Variants in HHAT observed in about 807,000 individuals in gnomAD.
HHAT encodes hedgehog acyltransferase, also known as protein-cysteine N-palmitoyltransferase HHAT.
A neutral mutation model predicts 70.8 loss-of-function variants in HHAT; 47 were observed. The observed-to-expected ratio is 0.66, with a 90% CI of 0.53 to 0.85. The LOEUF (loss-of-function observed/expected upper bound fraction) is 0.85, where lower values mean the gene tolerates loss of function less well. HHAT is among the 40% of genes least tolerant of loss of function. HHAT has a pLI of 0.00. For missense variants in HHAT, 609 were observed against 604.8 expected, an observed-to-expected ratio of 1.01 and a Z score of -0.07; for synonymous variants, 228 against 247.6, an observed-to-expected ratio of 0.92 and a Z score of 0.74.
intron 7 of HHAT, among the ~76,000 whole-genome samples, chr1:210,448,610 A>G (rs570790063): frequency 1.6e-4 from 25 of 152,324 alleles, no homozygotes; most frequent in Admixed American, 7.8e-4. Flanking sequence ...TGTTGCTTCT[A>G]GACCAGAGAG....
At chr1:210,486,511 T>C (rs1261019418) in intron 8 of HHAT, among the ~76,000 whole-genome samples, 1 of 152,220 alleles carries the variant, frequency 6.6e-6, no homozygotes, top group African/African-American at 2.4e-5. Flanking sequence ...TCTGCAGCTC[T>C]GTGTACTTAC....
intron 7 of HHAT, among the ~76,000 whole-genome samples, chr1:210,433,445 T>G (rs1222759159): frequency 6.6e-6 from 1 of 151,886 alleles, no homozygotes; most frequent in East Asian, 1.9e-4. Context: ...TCGCTGCAAG[T>G]TAACAGAAAT....
chr1:210,519,241 CTG>C (rs1401840420), intron 9 of HHAT, among the ~76,000 whole-genome samples: 1 of 152,218 alleles, frequency 6.6e-6, no homozygotes. Context: ...TTTTCTCTAT[CTG>C]TGCATCTGTT....
chr1:210,529,203 G>T (rs943121883), intron 9 of HHAT, among the ~76,000 whole-genome samples: 6 of 151,924 alleles, frequency 3.9e-5, no homozygotes, highest in Non-Finnish European at 8.8e-5. Flanking sequence ...TACTTGGGAG[G>T]TTGAGGCACG....
chr1:210,496,174 G>A (rs2094640533), intron 8 of HHAT, among the ~76,000 whole-genome samples: 1 of 150,402 alleles, frequency 6.6e-6, no homozygotes, highest in South Asian at 2.1e-4. Context: ...ATAAGCATTT[G>A]TTATTTAGAG....
intron 11 of HHAT, among the ~76,000 whole-genome samples, chr1:210,643,481 G>A (rs1438785193): frequency 6.6e-6 from 1 of 152,202 alleles, no homozygotes; most frequent in Non-Finnish European, 1.5e-5. Context: ...TATAGGTGGG[G>A]AAGTATCTTA....
intron 9 of HHAT, among the ~76,000 whole-genome samples, chr1:210,571,405 C>T (rs1656239000): frequency 6.6e-6 from 1 of 152,144 alleles, no homozygotes; most frequent in Non-Finnish European, 1.5e-5. Flanking sequence ...TGCAGTTTCT[C>T]CTGTCATGGT....
chr1:210,665,180 T>A (rs769442456), intron 11 of HHAT, among the ~76,000 whole-genome samples: 3 of 152,226 alleles, frequency 2.0e-5, no homozygotes, highest in Non-Finnish European at 4.4e-5. Context: ...CATTTAAGAA[T>A]CATATTAGGT....
intron 2 of HHAT, among the ~76,000 whole-genome samples, chr1:210,350,733 A>G (rs960998025): frequency 4.6e-5 from 7 of 152,204 alleles, no homozygotes; most frequent in Non-Finnish European, 1.0e-4. Context: ...TCAATCTTAT[A>G]TACCTTTTCT....
chr1:210,578,390 G>C (rs867440509), intron 9 of HHAT, among the ~76,000 whole-genome samples: 3 of 151,974 alleles, frequency 2.0e-5, no homozygotes, highest in Admixed American at 6.6e-5. Flanking sequence ...TACATTGTTG[G>C]TACAGCCACT....
rs541534525 is a variant in HHAT, at chr1:210,455,125, C to G, written c.857-9380C>G. Among the ~76,000 whole-genome samples, 7 of 152,258 alleles carry G rather than the reference C, an allele frequency of 4.6e-5. No homozygotes were observed. In the South Asian group the frequency reaches 1.0e-3, roughly 23 times the overall value. On this transcript the variant is annotated intron_variant, in intron 7 of 11. Transcript: ENST00000261458. ...TCTGGGGCTGACTCTTGACCTTGACCGAGACCACCTCTGGGAGCAGCTGAA... is the reference window on the plus strand; with the variant it reads ...TCTGGGGCTGACTCTTGACCTTGACGGAGACCACCTCTGGGAGCAGCTGAA...
At chr1:210,379,133 A>G (rs1316020225) in intron 3 of HHAT, among the ~76,000 whole-genome samples, 2 of 152,234 alleles carry the variant, frequency 1.3e-5, no homozygotes, top group South Asian at 2.1e-4. Flanking sequence ...TTGAGAACCT[A>G]GGGCTCTGGT....
intron 9 of HHAT, among the ~76,000 whole-genome samples, chr1:210,541,626 G>T (rs2095431750): frequency 6.6e-6 from 1 of 152,150 alleles, no homozygotes; most frequent in Admixed American, 6.5e-5. Context: ...CCTTAGGAGG[G>T]TAAGGCAGGA....
chr1:210,639,657 G>T (rs74158963), intron 11 of HHAT, among the ~76,000 whole-genome samples: 4,175 of 152,268 alleles, frequency 0.027, 192 homozygotes, highest in African/African-American at 0.095. Flanking sequence ...TTTCAGTGGC[G>T]CAGTGCAGGT....
In HHAT at chr1:210,445,591, C is replaced by G. The variant is rs142048556; in HGVS notation, c.857-18914C>G. On this transcript the variant is annotated intron_variant, in intron 7 of 11. Transcript: ENST00000261458. ...TTTACATAACCCTTTTAAAATTCAC[C>G]TGGGATGATTTCCTCAGGGTAATTT... 6.4e-3 allele frequency among the ~76,000 whole-genome samples: 967 copies of G among 152,158 alleles called. 11 individuals carry two copies. Among genetic ancestry groups the G allele is most frequent in the Non-Finnish European group, 6.7e-3 (459 of 68,020 alleles).
At chr1:210,652,752 C>T (rs891541943) in intron 11 of HHAT, among the ~76,000 whole-genome samples, 4 of 152,180 alleles carry the variant, frequency 2.6e-5, no homozygotes, top group African/African-American at 7.2e-5. Context: ...ATGCAAATGT[C>T]TCTGAAGCAA....
At chr1:210,465,455 G>T (rs1318476585) in intron 8 of HHAT, among the ~76,000 whole-genome samples, 1 of 152,138 alleles carries the variant, frequency 6.6e-6, no homozygotes, top group African/African-American at 2.4e-5. Flanking sequence ...AGAACCTCAG[G>T]GTCAGCACTG....
chr1:210,418,974 A>G (rs574014735), intron 7 of HHAT, among the ~76,000 whole-genome samples: 93 of 152,296 alleles, frequency 6.1e-4, no homozygotes, highest in Middle Eastern at 3.4e-3. Flanking sequence ...CGGAGGTTGC[A>G]GTAAGCCAAG....
At position 210,675,380 on chromosome 1, in the gene HHAT, G is replaced by T. The variant is rs985701794; in HGVS notation, c.*1001G>T. ...AAATCTAAATATACTCACATAACTT[G>T]ATTATTCACTCCTCTGAAAAGATGC... On this transcript the variant is annotated 3_prime_UTR_variant, in exon 12 of 12. Transcript: ENST00000261458. 5 of 152,078 alleles carry T rather than the reference G, an allele frequency of 3.3e-5. No homozygotes were observed. Among genetic ancestry groups the T allele is most frequent in the African/African-American group, 4.8e-5 (2 of 41,412 alleles). The allele number at this position is 152,078 out of a possible 1,614,324, so 9.4% of individuals were successfully genotyped here.
Sources: allele counts gnomAD v4.1 joint callset (sites outside exome capture counted in the v4.1 genomes callset), GRCh38; gene constraint gnomAD v4.1.1; transcripts MANE v1.5; gene names NCBI Gene and HGNC (gene_info 2026-07-23, HGNC 2026-07-21).